The following USP14 variants were observed in gnomAD, a reference collection of about 807,000 sequenced individuals.
The protein encoded by USP14 is ubiquitin carboxyl-terminal hydrolase 14.
USP14 carries 38 observed loss-of-function variants against 76.5 expected under a neutral mutation model. The ratio of observed to expected loss-of-function variants is 0.50; its 90% CI spans 0.38 to 0.65. USP14 has a LOEUF of 0.65. USP14 is among the 30% of genes least tolerant of loss of function. The probability of loss-of-function intolerance (pLI) is 0.00; values close to 1 mark genes in which losing one functional copy is unlikely to be tolerated. For synonymous variants in USP14, 192 were observed against 191.7 expected (o/e 1.00, Z -0.01); for missense variants, 467 against 586.5 (o/e 0.80, Z 2.10).
intron 1 of USP14, chr18:159,042 C>G (rs1220944986): frequency 3.6e-6 from 1 of 280,792 alleles, no homozygotes; most frequent in African/African-American, 2.2e-5. Flanking sequence ...GGGCGCTGGG[C>G]CAGGCTGGAG....
intron 13 of USP14, among the ~76,000 whole-genome samples, chr18:206,918 T>C (rs879793458): frequency 6.6e-6 from 1 of 152,188 alleles, no homozygotes; most frequent in Admixed American, 6.5e-5. Flanking sequence ...TTTATACGTA[T>C]GTTTTTTTCT....
rs1910555336 is a variant in USP14 at position 207,227 on chromosome 18, TA to T, written c.1164+2537del. ...TGACTTGATTACTGTAGTTTTCTAA[TA>T]AGGCTTGAAATTGTGAAGTATCAGC... On this transcript the variant is annotated intron_variant, in intron 13 of 15. Coordinates refer to ENST00000261601, the MANE Select transcript of USP14 (RefSeq NM_005151.4). Among the ~76,000 whole-genome samples the T allele has an allele frequency of 2.1e-5, 3 of 145,006 alleles. 1 individual carries two copies. Among genetic ancestry groups the T allele is most frequent in the Admixed American group, 2.1e-4 (3 of 14,592 alleles).
chr18:173,104 T>C (rs1909511035), intron 3 of USP14, among the ~76,000 whole-genome samples: 1 of 151,860 alleles, frequency 6.6e-6, no homozygotes, highest in African/African-American at 2.4e-5. Flanking sequence ...ATATATTGTC[T>C]GTCTTTTTTT....
intron 7 of USP14, 120 bp from the exon 8 acceptor site, chr18:197,496 G>T: frequency 1.5e-6 from 1 of 689,160 alleles, no homozygotes; most frequent in Non-Finnish European, 2.4e-6. Flanking sequence ...TGTCTTATTT[G>T]GCTTAATATT....
Position 199,233 on chromosome 18 carries a change from G to A in USP14, c.793G>A (p.Val265Ile). The A allele has an allele frequency of 6.2e-7, 1 of 1,613,806 alleles. No individual in the cohort carries two copies. The highest frequency in any genetic ancestry group is 1.1e-5 in the South Asian group (1 of 91,062). ...MKCTESEEEE[V>I]TKGKENQLQL... Reference sequence around the variant, plus strand: ...ATGTACAGAATCTGAAGAAGAAGAAGTCACCAAAGGAAAGGAAAATCAACT... The same window carrying A: ...ATGTACAGAATCTGAAGAAGAAGAAATCACCAAAGGAAAGGAAAATCAACT... The change falls in exon 10 of 16, where the codon GTC (valine) becomes ATC (isoleucine). Residue 265 changes from valine (V) to isoleucine (I), a missense_variant. Coordinates refer to ENST00000261601, the MANE Select transcript of USP14 (RefSeq NM_005151.4).
intron 3 of USP14, among the ~76,000 whole-genome samples, chr18:178,363 A>G (rs1909688467): frequency 6.6e-6 from 1 of 152,132 alleles, no homozygotes; most frequent in African/African-American, 2.4e-5. Flanking sequence ...TAATGCCACT[A>G]AATGTTAATG....
chr18:168,905 A>C (rs1207066227), intron 3 of USP14, among the ~76,000 whole-genome samples: 2 of 144,370 alleles, frequency 1.4e-5, no homozygotes, highest in Non-Finnish European at 3.1e-5. Flanking sequence ...CTCCGTCTCT[A>C]CTAAAAAAAA....
intron 3 of USP14, among the ~76,000 whole-genome samples, chr18:167,877 TA>T (rs1909318987): frequency 6.6e-6 from 1 of 151,652 alleles, no homozygotes; most frequent in African/African-American, 2.4e-5. Flanking sequence ...AAAATAATAT[TA>T]AAAAATATTT....
intron 10 of USP14, among the ~76,000 whole-genome samples, chr18:202,027 A>G (rs1373259383): frequency 6.6e-6 from 1 of 152,238 alleles, no homozygotes; most frequent in Non-Finnish European, 1.5e-5. Context: ...AGTAATTTTA[A>G]AAAATCAGAC....
chr18:186,717 A>G (rs923090756), intron 5 of USP14, among the ~76,000 whole-genome samples: 1 of 152,072 alleles, frequency 6.6e-6, no homozygotes, highest in Non-Finnish European at 1.5e-5. Flanking sequence ...GCACCACTGC[A>G]CTCCAGCCTG....
chr18:169,545 G>A (rs1032586927), intron 3 of USP14, among the ~76,000 whole-genome samples: 3 of 151,440 alleles, frequency 2.0e-5, no homozygotes, highest in African/African-American at 4.9e-5. Flanking sequence ...AACTTAAACC[G>A]TGCATTTCTG....
chr18:190,249 T>C (rs1479183759), intron 5 of USP14, among the ~76,000 whole-genome samples: 1 of 152,236 alleles, frequency 6.6e-6, no homozygotes, highest in African/African-American at 2.4e-5. Flanking sequence ...ATACTCTGAA[T>C]ATTCTAGTAC....
chr18:166,710 T>C, intron 2 of USP14, 77 bp from the exon 3 acceptor site: 1 of 1,437,922 alleles, frequency 7.0e-7, no homozygotes. Flanking sequence ...TTGAAGTACA[T>C]TAAAATAAAT....
chr18:192,710 A>T, intron 5 of USP14, 132 bp from the exon 6 acceptor site: 1 of 680,354 alleles, frequency 1.5e-6, no homozygotes, highest in Non-Finnish European at 2.4e-6. Flanking sequence ...AGAGAAGAAA[A>T]GGAAAGGTGG....
intron 5 of USP14, among the ~76,000 whole-genome samples, chr18:184,347 CAAG>C (rs1909869580): frequency 6.6e-6 from 1 of 152,036 alleles, no homozygotes; most frequent in South Asian, 2.1e-4. Context: ...ACTGATAAAA[CAAG>C]AATGAAAGAA....
intron 3 of USP14, among the ~76,000 whole-genome samples, chr18:172,784 C>G (rs1339319616): frequency 1.3e-5 from 2 of 152,062 alleles, no homozygotes; most frequent in African/African-American, 2.4e-5. Flanking sequence ...AATGCTGTTG[C>G]ATACTTCACA....
intron 2 of USP14, 121 bp downstream of exon 2, chr18:163,574 A>G (rs1404795203): frequency 8.0e-6 from 9 of 1,124,200 alleles, no homozygotes; most frequent in South Asian, 5.2e-5. Context: ...TGATGAGAGT[A>G]TGTCAGCTAT....
rs1909018305 is a variant in USP14, at chr18:158,633, C to A, written c.-66C>A. On this transcript the variant is annotated 5_prime_UTR_variant, in exon 1 of 16. Transcript: ENST00000261601. ...GCCGCCGCCGCAGCTGCTCCTGGTC[C>A]CCGTCCCTTTGCCGCCCTCGTCAGG... is the stretch of plus-strand genomic sequence containing the variant. 3 of 1,497,316 alleles carry A rather than the reference C, an allele frequency of 2.0e-6. No individual in the cohort carries two copies. Among genetic ancestry groups the A allele is most frequent in the Admixed American group, 2.1e-5 (1 of 48,648 alleles). 92.8% of individuals were successfully genotyped at this position (1,497,316 alleles called of 1,614,324 possible).
intron 8 of USP14, 40 bp downstream of exon 8, chr18:197,736 C>A: frequency 3.3e-6 from 5 of 1,493,120 alleles, no homozygotes; most frequent in South Asian, 1.2e-5. Context: ...TTTCGTTATA[C>A]CTTGATTTTT....
Sources: gnomAD v4.1 joint callset for allele counts (sites outside exome capture counted in the v4.1 genomes callset) on GRCh38, gnomAD v4.1.1 for gene constraint, MANE v1.5 for transcripts, NCBI Gene and HGNC (gene_info 2026-07-23, HGNC 2026-07-21) for gene names.